Variants in SHC3 observed in about 807,000 individuals in gnomAD.
The protein encoded by SHC3 is SHC-transforming protein 3.
SHC3 carries 15 observed loss-of-function variants against 60.4 expected under a neutral mutation model. The observed-to-expected ratio is 0.25, with a 90% CI of 0.17 to 0.38. SHC3 has a LOEUF of 0.38. Ranked by LOEUF, SHC3 falls within the 10% of genes least tolerant of loss-of-function variation. The pLI is 1.00. For missense variants in SHC3, 677 were observed against 786.1 expected, an observed-to-expected ratio of 0.86 and a Z score of 1.66; for synonymous variants, 294 against 325.9, an observed-to-expected ratio of 0.90 and a Z score of 1.05.
chr9:89,117,554 T>A (rs939586273), intron 1 of SHC3, among the ~76,000 whole-genome samples: 6 of 152,168 alleles, frequency 3.9e-5, no homozygotes. Flanking sequence ...TTTGGTGGCA[T>A]CTACATTTTA....
intron 2 of SHC3, among the ~76,000 whole-genome samples, chr9:89,085,014 G>A (rs1397412804): frequency 6.6e-6 from 1 of 152,228 alleles, no homozygotes; most frequent in Non-Finnish European, 1.5e-5. Flanking sequence ...TGGGAAAGAT[G>A]CATTTTGTGA....
chr9:89,112,709 G>C, intron 1 of SHC3, 83 bp from the exon 2 acceptor site: 2 of 1,194,524 alleles, frequency 1.7e-6, no homozygotes, highest in Non-Finnish European at 2.3e-6. Context: ...GCATTTTTGG[G>C]AGCCATACAC....
At chr9:89,087,929 G>T (rs1380780591) in intron 2 of SHC3, among the ~76,000 whole-genome samples, 1 of 152,154 alleles carries the variant, frequency 6.6e-6, no homozygotes, top group South Asian at 2.1e-4. Context: ...GGCCCTGAAG[G>T]AAATGAAAGT....
At chr9:89,014,161 G>A (rs1426439898) in intron 11 of SHC3, among the ~76,000 whole-genome samples, 1 of 152,212 alleles carries the variant, frequency 6.6e-6, no homozygotes, top group African/African-American at 2.4e-5. Flanking sequence ...TGGAGAGTGA[G>A]CCAGGCTGGG....
At chr9:89,065,703 A>C in intron 5 of SHC3, 123 bp from the exon 6 acceptor site, 1 of 926,366 alleles carries the variant, frequency 1.1e-6, no homozygotes, top group Non-Finnish European at 1.7e-6. Context: ...AAAGAATCAA[A>C]TGCTGCCTAA....
intron 1 of SHC3, among the ~76,000 whole-genome samples, chr9:89,166,580 G>C (rs1826792348): frequency 6.6e-6 from 1 of 152,180 alleles, no homozygotes; most frequent in Admixed American, 6.5e-5. Context: ...TGCGGGGAGG[G>C]AGGTCAGGCG....
intron 5 of SHC3, among the ~76,000 whole-genome samples, chr9:89,067,104 T>A (rs137972918): frequency 1.4e-3 from 219 of 152,354 alleles, no homozygotes; most frequent in African/African-American, 4.9e-3. Context: ...ATTCACAGGC[T>A]GACTAGGGAA....
chr9:89,056,155 T>C lies in SHC3; in HGVS notation c.836-3992A>G, dbSNP rs1015869920. ...GGAAGGGCTGATTTCTTATCTTATA[T>C]GAATAGATGATCAGTGTTTTTACTG... On this transcript the variant is annotated intron_variant, in intron 6 of 11. Coordinates refer to ENST00000375835, the MANE Select transcript of SHC3 (RefSeq NM_016848.6). Among the ~76,000 whole-genome samples, 6 of 152,386 alleles carry C rather than the reference T, an allele frequency of 3.9e-5. No homozygotes were observed. In the South Asian group the frequency reaches 8.3e-4, roughly 21 times the overall value.
At chr9:89,172,576 GACACACACACAC>G (rs760737845) in intron 1 of SHC3, among the ~76,000 whole-genome samples, 1 of 134,928 alleles carries the variant, frequency 7.4e-6, no homozygotes, top group Admixed American at 7.7e-5. Context: ...CACACACACA[GACACACACACAC>G]ACAGACACAC....
chr9:89,099,457 G>T (rs772316096), intron 2 of SHC3, among the ~76,000 whole-genome samples: 9 of 152,174 alleles, frequency 5.9e-5, no homozygotes, highest in Non-Finnish European at 1.0e-4. Flanking sequence ...AAGAATGTAG[G>T]TGATACAGCA....
At chr9:89,026,243 A>T (rs1826296886) in intron 11 of SHC3, among the ~76,000 whole-genome samples, 1 of 132,342 alleles carries the variant, frequency 7.6e-6, no homozygotes, top group Non-Finnish European at 1.6e-5. Context: ...GACAAGAGTG[A>T]AACTACATCT....
chr9:89,120,216 C>T (rs1376971004), intron 1 of SHC3, among the ~76,000 whole-genome samples: 3 of 152,022 alleles, frequency 2.0e-5, no homozygotes, highest in Admixed American at 6.6e-5. Context: ...AACTCAAAGG[C>T]CATAAGTGAA....
intron 6 of SHC3, among the ~76,000 whole-genome samples, chr9:89,062,747 G>T (rs1218063214): frequency 6.6e-6 from 1 of 152,176 alleles, no homozygotes; most frequent in African/African-American, 2.4e-5. Flanking sequence ...ACTTTTAAGA[G>T]CCCAAATAAG....
chr9:89,045,287 T>TC (rs1320827224), intron 9 of SHC3, among the ~76,000 whole-genome samples: 1 of 150,946 alleles, frequency 6.6e-6, no homozygotes, highest in African/African-American at 2.4e-5. Flanking sequence ...TGCTTTTTTT[T>TC]TTTTTTTTTT....
chr9:89,051,998 C>T, intron 7 of SHC3, 39 bp downstream of exon 7: 1 of 1,608,556 alleles, frequency 6.2e-7, no homozygotes, highest in Non-Finnish European at 8.5e-7. Flanking sequence ...TCATAAAACC[C>T]ACATAGGCTA....
intron 10 of SHC3, among the ~76,000 whole-genome samples, chr9:89,040,184 CA>C (rs1824657821): frequency 2.7e-5 from 4 of 146,254 alleles, no homozygotes; most frequent in Admixed American, 6.8e-5. Context: ...CTATCAACAC[CA>C]CCACCATCAG....
At position 89,010,970 on chromosome 9, in the gene SHC3, A is replaced by T. The variant is rs1407833441; in HGVS notation, c.*2477T>A. The T allele has an allele frequency of 6.6e-6, 1 of 152,232 alleles. No individual in the cohort carries two copies. The highest frequency in any genetic ancestry group is 2.4e-5 in the African/African-American group (1 of 41,460). The allele number at this position is 152,232 out of a possible 1,614,324, so 9.4% of individuals were successfully genotyped here. The stretch of plus-strand genomic sequence containing the variant: ...CCATGTGTCTGTGAGGCTCACAGGA[A>T]TGGCCCACCACACAGTGCTGGAGGG... On this transcript the variant is annotated 3_prime_UTR_variant, in exon 12 of 12. Transcript: ENST00000375835.
At chr9:89,110,426 G>A (rs1825929989) in intron 2 of SHC3, 1 of 984,938 alleles carries the variant, frequency 1.0e-6, no homozygotes, top group African/African-American at 1.7e-5. Flanking sequence ...AATTTCTTTA[G>A]TATATAAAGT....
intron 11 of SHC3, among the ~76,000 whole-genome samples, chr9:89,036,793 T>C (rs1824585785): frequency 6.6e-6 from 1 of 151,522 alleles, no homozygotes; most frequent in Admixed American, 6.6e-5. Context: ...TGGAGTGGAG[T>C]AGTTGCGATC....
Sources: gnomAD v4.1 joint callset for allele counts (sites outside exome capture counted in the v4.1 genomes callset) on GRCh38, gnomAD v4.1.1 for gene constraint, MANE v1.5 for transcripts, NCBI Gene and HGNC (gene_info 2026-07-23, HGNC 2026-07-21) for gene names.